The following SAE1 variants were observed in gnomAD, a reference collection of about 807,000 sequenced individuals.
SAE1 encodes SUMO-activating enzyme subunit 1.
Under a neutral mutation model 40.6 loss-of-function variants are expected in SAE1, and 11 were observed. The observed-to-expected ratio is 0.27, with a 90% CI of 0.17 to 0.45. The LOEUF is 0.45. Ranked by LOEUF, SAE1 falls within the 20% of genes least tolerant of loss-of-function variation. The pLI is 1.00. For missense variants in SAE1, 373 were observed against 427.3 expected (o/e 0.87, Z 1.12); for synonymous variants, 155 against 154.3 (o/e 1.00, Z -0.03).
At chr19:47,176,755 T>C (rs1262312897) in intron 6 of SAE1, among the ~76,000 whole-genome samples, 1 of 152,204 alleles carries the variant, frequency 6.6e-6, no homozygotes, top group African/African-American at 2.4e-5. Context: ...AATAAGTTAG[T>C]GGCCAGACTG....
chr19:47,182,816 C>G (rs1242310983), intron 6 of SAE1, among the ~76,000 whole-genome samples: 1 of 152,124 alleles, frequency 6.6e-6, no homozygotes, highest in Non-Finnish European at 1.5e-5. Flanking sequence ...GGTGTGGTGG[C>G]TCAGGCTTGT....
chr19:47,202,044 C>T (rs564723882), intron 7 of SAE1, among the ~76,000 whole-genome samples: 2 of 152,164 alleles, frequency 1.3e-5, no homozygotes, highest in East Asian at 1.9e-4. Context: ...CGTAAGGAGC[C>T]GGAGGTGCCT....
At chr19:47,184,357 A>G (rs137971970) in intron 6 of SAE1, among the ~76,000 whole-genome samples, 2 of 152,264 alleles carry the variant, frequency 1.3e-5, no homozygotes, top group East Asian at 1.9e-4. Context: ...TCCTACCACT[A>G]AAATGGGGGT....
intron 6 of SAE1, among the ~76,000 whole-genome samples, chr19:47,188,474 T>C (rs1179580359): frequency 6.6e-6 from 1 of 152,202 alleles, no homozygotes; most frequent in Non-Finnish European, 1.5e-5. Context: ...AGCCCACAGC[T>C]GAATTAATGG....
Position 47,130,900 on chromosome 19 carries a change from GACCGGA to G in SAE1, c.-30_-25del. ...TCCGGCGGGCGGTTGGCTTGAGCGG[GACCGGA>G]GCTGAGGCAGGAAGAGCCGGCGCCA... is the stretch of plus-strand genomic sequence containing the variant. On this transcript the variant is annotated 5_prime_UTR_variant, in exon 1 of 9. Coordinates refer to ENST00000270225, the MANE Select transcript of SAE1 (RefSeq NM_005500.3). 1.3e-6 allele frequency: 2 copies of G among 1,548,394 alleles called. No individual in the cohort carries two copies. The highest frequency in any genetic ancestry group is 1.7e-6 in the Non-Finnish European group (2 of 1,146,362).
intron 5 of SAE1, among the ~76,000 whole-genome samples, chr19:47,168,282 C>T (rs1335640824): frequency 2.0e-5 from 3 of 152,132 alleles, no homozygotes; most frequent in Non-Finnish European, 4.4e-5. Flanking sequence ...CATGATGCCA[C>T]ATGTGTCATT....
rs566399666 is a variant in SAE1, at chr19:47,150,534, T to C, written c.384+159T>C. ...AAGCTGTTCTATTGTTTAGGCTTAGTATATTGTGTGAATGTGTTGCTAGAG... is the reference window on the plus strand; with the variant it reads ...AAGCTGTTCTATTGTTTAGGCTTAGCATATTGTGTGAATGTGTTGCTAGAG... On this transcript the variant is annotated intron_variant, in intron 3 of 8. Coordinates refer to ENST00000270225, the MANE Select transcript of SAE1 (RefSeq NM_005500.3). Among the ~76,000 whole-genome samples, 5 of 152,310 alleles carry C rather than the reference T, an allele frequency of 3.3e-5. No homozygotes were observed. In the East Asian group the frequency reaches 9.6e-4, roughly 29 times the overall value.
At chr19:47,182,504 C>T (rs1339845125) in intron 6 of SAE1, among the ~76,000 whole-genome samples, 10 of 139,556 alleles carry the variant, frequency 7.2e-5, no homozygotes, top group South Asian at 7.0e-4. Context: ...TGTGCGCGCA[C>T]GCACGCGCGC....
At chr19:47,180,438 C>T in intron 6 of SAE1, 1 of 362,778 alleles carries the variant, frequency 2.8e-6, no homozygotes, top group South Asian at 2.1e-5. Context: ...CTATCTTTGA[C>T]TATCACCATA....
At chr19:47,207,177 G>A (rs1312171842) in intron 8 of SAE1, among the ~76,000 whole-genome samples, 1 of 152,124 alleles carries the variant, frequency 6.6e-6, no homozygotes, top group Admixed American at 6.5e-5. Context: ...GGAGACGGAG[G>A]TTGCAGTAAG....
chr19:47,172,919 G>T (rs2123259617), intron 6 of SAE1, among the ~76,000 whole-genome samples: 1 of 152,254 alleles, frequency 6.6e-6, no homozygotes, highest in Middle Eastern at 3.4e-3. Flanking sequence ...AGCTACAGAG[G>T]GGAATCTGAG....
chr19:47,198,311 C>T (rs1232444074), intron 7 of SAE1, among the ~76,000 whole-genome samples: 1 of 152,044 alleles, frequency 6.6e-6, no homozygotes, highest in South Asian at 2.1e-4. Flanking sequence ...TGGGGTTTTC[C>T]ATGTTGGCCA....
At chr19:47,140,983 G>A (rs1277165324) in intron 1 of SAE1, among the ~76,000 whole-genome samples, 1 of 151,864 alleles carries the variant, frequency 6.6e-6, no homozygotes, top group East Asian at 1.9e-4. Flanking sequence ...CAAATAGCTA[G>A]GATTACAGGT....
At chr19:47,179,950 TAGTG>T (rs1000997700) in intron 6 of SAE1, among the ~76,000 whole-genome samples, 2 of 152,162 alleles carry the variant, frequency 1.3e-5, no homozygotes, top group African/African-American at 4.8e-5. Flanking sequence ...ATAGTGTTAA[TAGTG>T]AGAATCAAGT....
intron 5 of SAE1, among the ~76,000 whole-genome samples, chr19:47,164,009 TC>T (rs1568595320): frequency 6.6e-6 from 1 of 152,062 alleles, no homozygotes; most frequent in Non-Finnish European, 1.5e-5. Context: ...CCTCAGGTGA[TC>T]CGCCCACATC....
At chr19:47,175,470 C>T (rs1267333399) in intron 6 of SAE1, among the ~76,000 whole-genome samples, 1 of 152,100 alleles carries the variant, frequency 6.6e-6, no homozygotes, top group Admixed American at 6.6e-5. Context: ...GGCGCGGTGG[C>T]TTATGCCTGT....
chr19:47,170,776 G>C (rs978075473), intron 6 of SAE1, among the ~76,000 whole-genome samples: 1 of 152,100 alleles, frequency 6.6e-6, no homozygotes, highest in Admixed American at 6.6e-5. Flanking sequence ...CAAAGTGCTG[G>C]AGTTAAAGGC....
At chr19:47,190,350 TGC>T (rs1398371561) in intron 6 of SAE1, among the ~76,000 whole-genome samples, 2 of 150,728 alleles carry the variant, frequency 1.3e-5, no homozygotes, top group Non-Finnish European at 3.0e-5. Context: ...GTGGTATGTG[TGC>T]GTGTTTGGCT....
rs1368434399 is a variant in SAE1 at position 47,192,890 on chromosome 19, A to G, written c.734-4343A>G. 2.6e-5 allele frequency among the ~76,000 whole-genome samples: 4 copies of G among 152,074 alleles called. No individual in the cohort carries two copies. The East Asian group carries it at 7.7e-4, about 29-fold the overall frequency. ...GAAAAGAGGCTTGGTCCAAACAGGC[A>G]GTACTTGCCACTTCTGCAGTCATTT... On this transcript the variant is annotated intron_variant, in intron 6 of 8. Transcript: ENST00000270225.
Sources: allele counts gnomAD v4.1 joint callset (sites outside exome capture counted in the v4.1 genomes callset), GRCh38; gene constraint gnomAD v4.1.1; transcripts MANE v1.5; gene names NCBI Gene and HGNC (gene_info 2026-07-23, HGNC 2026-07-21).